Variants in NRXN3 observed in about 807,000 individuals in gnomAD.
NRXN3 encodes neurexin 3.
Under a neutral mutation model 137.6 loss-of-function variants are expected in NRXN3, and 32 were observed. The observed-to-expected ratio is 0.23, with a 90% CI of 0.18 to 0.31. The LOEUF is 0.31. Among genes scored for constraint, NRXN3 ranks in the 10% least tolerant of loss-of-function variants. The pLI is 1.00. For synonymous variants in NRXN3, 798 were observed against 784.5 expected, an observed-to-expected ratio of 1.02 and a Z score of -0.29; for missense variants, 1,574 against 2,062.5, an observed-to-expected ratio of 0.76 and a Z score of 4.59.
chr14:79,445,113 G>A (rs979643134), intron 15 of NRXN3, among the ~76,000 whole-genome samples: 17 of 152,114 alleles, frequency 1.1e-4, no homozygotes, highest in African/African-American at 3.4e-4. Context: ...AGGCTGAGGC[G>A]GGCAGATCAC....
chr14:78,856,129 G>C (rs1272340240), intron 10 of NRXN3, among the ~76,000 whole-genome samples: 1 of 152,134 alleles, frequency 6.6e-6, no homozygotes, highest in Non-Finnish European at 1.5e-5. Flanking sequence ...TCCAACCTCA[G>C]TATGCCTACA....
At chr14:78,826,852 C>T (rs368666270) in intron 10 of NRXN3, among the ~76,000 whole-genome samples, 83 of 152,214 alleles carry the variant, frequency 5.5e-4, no homozygotes, top group African/African-American at 1.9e-3. Flanking sequence ...CTATGTTTTC[C>T]GTCAAGGTTT....
At chr14:78,527,737 G>T (rs1566645376) in intron 4 of NRXN3, among the ~76,000 whole-genome samples, 1 of 152,166 alleles carries the variant, frequency 6.6e-6, no homozygotes, top group Non-Finnish European at 1.5e-5. Context: ...TTTTGTCAAT[G>T]ATAAACTAAT....
At chr14:79,508,793 A>C (rs532955716) in intron 16 of NRXN3, among the ~76,000 whole-genome samples, 104 of 152,296 alleles carry the variant, frequency 6.8e-4, no homozygotes, top group Middle Eastern at 6.8e-3. Flanking sequence ...TTTCAGTTCA[A>C]TGTTTCGACC....
Position 79,700,825 on chromosome 14 carries a change from T to C in NRXN3, c.4014+2888T>C, listed in dbSNP as rs186341659. Reference sequence around the variant, plus strand: ...TAGAACTATCTGTGAATAACCTGGCTGATGTTAATTTACTCATAGCAATCA... The same window carrying C: ...TAGAACTATCTGTGAATAACCTGGCCGATGTTAATTTACTCATAGCAATCA... On this transcript the variant is annotated intron_variant, in intron 19 of 20. Coordinates refer to ENST00000335750, the MANE Select transcript of NRXN3 (RefSeq NM_001330195.2). Among the ~76,000 whole-genome samples, 94 of 152,200 alleles carry C rather than the reference T, an allele frequency of 6.2e-4. 2 individuals carry two copies. Among genetic ancestry groups the C allele is most frequent in the Middle Eastern group, 3.4e-3 (1 of 294 alleles).
intron 15 of NRXN3, among the ~76,000 whole-genome samples, chr14:79,083,689 T>C (rs971587490): frequency 1.8e-4 from 28 of 152,212 alleles, no homozygotes; most frequent in African/African-American, 6.5e-4. Context: ...TTCTTCAAGA[T>C]CCCAGTAGAG....
intron 4 of NRXN3, among the ~76,000 whole-genome samples, chr14:78,398,732 G>C (rs922669863): frequency 4.6e-5 from 7 of 152,170 alleles, no homozygotes; most frequent in African/African-American, 1.4e-4. Flanking sequence ...ACATAACCCC[G>C]AGGGGATGGG....
chr14:78,320,640 A>G (rs1000626123), intron 4 of NRXN3, among the ~76,000 whole-genome samples: 12 of 152,198 alleles, frequency 7.9e-5, no homozygotes, highest in African/African-American at 2.7e-4. Flanking sequence ...CGGGAGACCT[A>G]GAAGCAAGGG....
chr14:79,543,132 C>T (rs569001530), intron 16 of NRXN3, among the ~76,000 whole-genome samples: 97 of 152,158 alleles, frequency 6.4e-4, no homozygotes, highest in Non-Finnish European at 1.0e-3. Flanking sequence ...GTCAGTCATA[C>T]AGGCAAGCAC....
At chr14:78,620,620 C>T (rs769766163) in intron 4 of NRXN3, among the ~76,000 whole-genome samples, 5 of 152,150 alleles carry the variant, frequency 3.3e-5, no homozygotes, top group Non-Finnish European at 5.9e-5. Flanking sequence ...AAGATGAAAG[C>T]ACTGTCGTGT....
chr14:78,294,679 T>C (rs1035927716), intron 3 of NRXN3, among the ~76,000 whole-genome samples: 1 of 151,434 alleles, frequency 6.6e-6, no homozygotes, highest in Admixed American at 6.6e-5. Context: ...GATAGGAAAA[T>C]CAAGGCAAAG....
At chr14:78,590,646 G>A (rs1001089871) in intron 4 of NRXN3, among the ~76,000 whole-genome samples, 43 of 152,312 alleles carry the variant, frequency 2.8e-4, no homozygotes, top group African/African-American at 9.9e-4. Context: ...AGATGCACTG[G>A]CTCATGCCTG....
intron 16 of NRXN3, among the ~76,000 whole-genome samples, chr14:79,520,119 A>G (rs1466466181): frequency 6.6e-6 from 1 of 151,952 alleles, no homozygotes; most frequent in Non-Finnish European, 1.5e-5. Context: ...TGCGAATTTC[A>G]TCTTTTAACA....
intron 15 of NRXN3, among the ~76,000 whole-genome samples, chr14:79,448,124 C>T (rs2096095694): frequency 6.6e-6 from 1 of 152,156 alleles, no homozygotes; most frequent in Non-Finnish European, 1.5e-5. Context: ...ATCATCCACT[C>T]CAGCGACACT....
intron 15 of NRXN3, among the ~76,000 whole-genome samples, chr14:79,249,442 T>C (rs906735727): frequency 2.0e-5 from 3 of 152,092 alleles, no homozygotes; most frequent in Admixed American, 2.0e-4. Flanking sequence ...GGTAAGAAAA[T>C]TAGCAAGTGC....
intron 4 of NRXN3, among the ~76,000 whole-genome samples, chr14:78,612,502 T>G (rs1216059492): frequency 6.6e-6 from 1 of 152,184 alleles, no homozygotes; most frequent in Non-Finnish European, 1.5e-5. Flanking sequence ...GCAAATATTT[T>G]TTAACCTGGG....
At chr14:79,261,841 G>T (rs1710234324) in intron 15 of NRXN3, among the ~76,000 whole-genome samples, 1 of 152,108 alleles carries the variant, frequency 6.6e-6, no homozygotes, top group Admixed American at 6.5e-5. Flanking sequence ...GTACCGAGGA[G>T]GGGCTCTGGG....
chr14:79,234,309 TATATATATATATATA>T (rs1269667879), intron 15 of NRXN3, among the ~76,000 whole-genome samples: 2 of 93,472 alleles, frequency 2.1e-5, no homozygotes, highest in Non-Finnish European at 4.1e-5. Context: ...TATATATATA[TATATATATATATATA>T]TATATATATA....
chr14:78,709,281 A>C lies in NRXN3; in HGVS notation c.1286A>C (p.Lys429Thr). Residue 429 changes from lysine (K) to threonine (T), a missense_variant, in exon 7 of 21, where the codon AAG (lysine) becomes ACG (threonine). Physicochemically the swap from Lys to Thr is moderately conservative, Grantham distance 78. Around this residue, in one of 5 missense-constraint regions of NRXN3, gnomAD observed 718 missense variants for 887.6 expected, o/e 0.81. Transcript: ENST00000335750. Reference sequence around the variant, plus strand: ...CGCCTGGCCCGGATTGCGGACACCAAGATGAAAATCTATGGCGAAGTTGTG... The same window carrying C: ...CGCCTGGCCCGGATTGCGGACACCACGATGAAAATCTATGGCGAAGTTGTG... ...LSRLARIADT[K>T]MKIYGEVVFK... 2 of 1,614,158 alleles carry C rather than the reference A, an allele frequency of 1.2e-6. No homozygotes were observed. The highest frequency in any genetic ancestry group is 1.7e-6 in the Non-Finnish European group (2 of 1,180,022).
Sources: allele counts gnomAD v4.1 joint callset (sites outside exome capture counted in the v4.1 genomes callset), GRCh38; gene constraint gnomAD v4.1.1; regional missense constraint gnomAD v4.1.1; transcripts MANE v1.5; gene names NCBI Gene and HGNC (gene_info 2026-07-23, HGNC 2026-07-21).